AJAP1: variants seen among roughly 807,000 people sequenced by gnomAD.
The protein encoded by AJAP1 is adherens junction-associated protein 1.
AJAP1 carries 5 observed loss-of-function variants against 35.0 expected under a neutral mutation model. The ratio of observed to expected loss-of-function variants is 0.14; its 90% CI spans 0.07 to 0.30. The LOEUF (loss-of-function observed/expected upper bound fraction) is 0.30, where lower values mean the gene tolerates loss of function less well. Among genes scored for constraint, AJAP1 ranks in the 10% least tolerant of loss-of-function variants. The pLI, the probability that AJAP1 is intolerant of heterozygous loss-of-function variation, is 1.00. For synonymous variants in AJAP1, 284 were observed against 249.3 expected, an observed-to-expected ratio of 1.14 and a Z score of -1.31; for missense variants, 586 against 571.0, an observed-to-expected ratio of 1.03 and a Z score of -0.27.
intron 2 of AJAP1, among the ~76,000 whole-genome samples, chr1:4,768,835 C>A (rs1641755293): frequency 6.6e-6 from 1 of 152,162 alleles, no homozygotes; most frequent in African/African-American, 2.4e-5. Flanking sequence ...GCATCCAGGT[C>A]CCAGGAAGGA....
At chr1:4,773,627 C>T (rs1570227036) in intron 4 of AJAP1, among the ~76,000 whole-genome samples, 1 of 152,222 alleles carries the variant, frequency 6.6e-6, no homozygotes, top group African/African-American at 2.4e-5. Context: ...TACACTCAGA[C>T]ATTTGGGGAG....
At chr1:4,683,613 G>C (rs1358570879) in intron 1 of AJAP1, among the ~76,000 whole-genome samples, 1 of 152,164 alleles carries the variant, frequency 6.6e-6, no homozygotes, top group Non-Finnish European at 1.5e-5. Flanking sequence ...AAAATGTTTC[G>C]TCCTGCACTG....
At position 4,712,223 on chromosome 1, in the gene AJAP1, C is replaced by A. The variant is rs1405230020; in HGVS notation, c.353C>A (p.Ala118Asp). The A allele has an allele frequency of 2.1e-5, 33 of 1,544,300 alleles. No individual in the cohort carries two copies. The highest frequency in any genetic ancestry group is 2.9e-5 in the Non-Finnish European group (33 of 1,153,914). ...GCCCTCGTGCCCAAGGCAGGACTGG[C>A]CAAGCCCCCAGCTGCTGCCAAATCC... ...AAALVPKAGL[A>D]KPPAAAKSSP... Residue 118 changes from alanine to aspartate, a missense_variant, in exon 2 of 6, where the codon GCC becomes GAC. Physicochemically the swap from Ala to Asp is moderately radical, Grantham distance 126. Transcript: ENST00000378191.
chr1:4,674,063 AAAAG>A (rs1368523779), intron 1 of AJAP1, among the ~76,000 whole-genome samples: 8 of 151,516 alleles, frequency 5.3e-5, no homozygotes, highest in Admixed American at 1.3e-4. Context: ...AAAAAAAAAA[AAAAG>A]GAACAAAAAG....
rs557386488 is a variant in AJAP1 at position 4,751,382 on chromosome 1, G to A, written c.830-18471G>A. On this transcript the variant is annotated intron_variant, in intron 2 of 5. Coordinates refer to ENST00000378191, the MANE Select transcript of AJAP1 (RefSeq NM_018836.4). Reference sequence around the variant, plus strand: ...AGCTGATGCTTCCTGACTCAGCAGGGCATAGGAGCTAGCAGAGAGGTCCCA... The same window carrying A: ...AGCTGATGCTTCCTGACTCAGCAGGACATAGGAGCTAGCAGAGAGGTCCCA... Among the ~76,000 whole-genome samples, 8 of 152,358 alleles carry A rather than the reference G, an allele frequency of 5.3e-5. No individual in the cohort carries two copies. In the East Asian group the frequency reaches 1.4e-3, roughly 26 times the overall value.
At chr1:4,773,014 T>C (rs184017673) in intron 4 of AJAP1, among the ~76,000 whole-genome samples, 7 of 152,146 alleles carry the variant, frequency 4.6e-5, no homozygotes, top group Non-Finnish European at 1.0e-4. Flanking sequence ...GCTCCTCCTT[T>C]TTTATTACTC....
At chr1:4,747,991 CAA>C (rs70955801) in intron 2 of AJAP1, among the ~76,000 whole-genome samples, 1 of 135,980 alleles carries the variant, frequency 7.4e-6, no homozygotes, top group Non-Finnish European at 1.6e-5. Context: ...GACTCTGTCT[CAA>C]AAAAAAAAAA....
rs1640865385 is a variant in AJAP1 at position 4,734,156 on chromosome 1, C to T, written c.829+21457C>T. Among the ~76,000 whole-genome samples the T allele has an allele frequency of 6.6e-6, 1 of 152,180 alleles. No individual in the cohort carries two copies. The highest frequency in any genetic ancestry group is 2.4e-5 in the African/African-American group (1 of 41,432). On this transcript the variant is annotated intron_variant, in intron 2 of 5. Transcript: ENST00000378191. This position sits in a 1 kb window ranked among gnomAD's most constrained non-coding sequence, Gnocchi z 4.3. Reference sequence around the variant, plus strand: ...ATACAGACCTGCCAGGGCCCTGAACCCATGCACTTGTTCTGTGTGGAGGAA... The same window carrying T: ...ATACAGACCTGCCAGGGCCCTGAACTCATGCACTTGTTCTGTGTGGAGGAA...
intron 1 of AJAP1, among the ~76,000 whole-genome samples, chr1:4,702,285 G>A (rs1254561010): frequency 1.3e-5 from 2 of 152,182 alleles, no homozygotes; most frequent in Non-Finnish European, 2.9e-5. Context: ...TAGACTCTGA[G>A]TCCTGATCAG....
intron 2 of AJAP1, among the ~76,000 whole-genome samples, chr1:4,732,975 A>G (rs1042664025): frequency 2.6e-5 from 4 of 152,322 alleles, no homozygotes; most frequent in Admixed American, 6.5e-5. Flanking sequence ...ATTCCCCACA[A>G]ATGAATGAAA....
chr1:4,669,399 C>T (rs542953347), intron 1 of AJAP1, among the ~76,000 whole-genome samples: 3 of 152,266 alleles, frequency 2.0e-5, no homozygotes, highest in Admixed American at 1.3e-4. Context: ...CTGGGGAGGC[C>T]TCAGCAAACT....
In AJAP1 at chr1:4,692,064, T is replaced by G. The variant is rs1639751845; in HGVS notation, c.30-19836T>G. ...TGAGACTGGCCGAGGCCCTCAGCCC[T>G]GTGCTCCTTCCGGGAATGGCAGGTG... On this transcript the variant is annotated intron_variant, in intron 1 of 5. Transcript: ENST00000378191. This position sits in a 1 kb window ranked among gnomAD's most constrained non-coding sequence, Gnocchi z 4.4. 6.6e-6 allele frequency among the ~76,000 whole-genome samples: 1 copy of G among 152,144 alleles called. No homozygotes were observed. The highest frequency in any genetic ancestry group is 1.5e-5 in the Non-Finnish European group (1 of 68,012).
At chr1:4,700,974 C>T (rs1639974160) in intron 1 of AJAP1, among the ~76,000 whole-genome samples, 1 of 152,224 alleles carries the variant, frequency 6.6e-6, no homozygotes, top group Non-Finnish European at 1.5e-5. Flanking sequence ...TTTCCCCTCC[C>T]AGGGACTGAG....
chr1:4,770,766 A>G (rs1641816509), intron 3 of AJAP1, among the ~76,000 whole-genome samples: 1 of 152,182 alleles, frequency 6.6e-6, no homozygotes, highest in African/African-American at 2.4e-5. Flanking sequence ...AGAGAGAGAA[A>G]AAGCCAGGCT....
chr1:4,756,097 G>A (rs943814926), intron 2 of AJAP1, among the ~76,000 whole-genome samples: 6 of 152,198 alleles, frequency 3.9e-5, no homozygotes, highest in Admixed American at 2.6e-4. Context: ...AGGTGCAGGA[G>A]CCTGATGAGA....
intron 1 of AJAP1, among the ~76,000 whole-genome samples, chr1:4,666,899 T>C (rs1639139875): frequency 7.1e-6 from 1 of 141,120 alleles, no homozygotes; most frequent in African/African-American, 2.7e-5. Context: ...ACGGGAGGGT[T>C]ATGGAGAGGG....
In AJAP1 at chr1:4,782,682, C is replaced by T. The variant is rs1037333640; in HGVS notation, c.*197C>T. On this transcript the variant is annotated 3_prime_UTR_variant, in exon 6 of 6. Transcript: ENST00000378191. The surrounding 1 kb of genome is among the most constrained non-coding windows in gnomAD (Gnocchi z 5.3). Reference sequence around the variant, plus strand: ...CCGGTGGGAAACTCACAGAGCAGGACGCTCTAGGCCAAATCTATTTTTGTA... The same window carrying T: ...CCGGTGGGAAACTCACAGAGCAGGATGCTCTAGGCCAAATCTATTTTTGTA... 11 of 398,400 alleles carry T rather than the reference C, an allele frequency of 2.8e-5. No individual in the cohort carries two copies. Among genetic ancestry groups the T allele is most frequent in the African/African-American group, 8.2e-5 (4 of 48,618 alleles). The allele number at this position is 398,400 out of a possible 1,614,324, so 24.7% of individuals were successfully genotyped here. A position where few individuals can be genotyped will look rare whatever the true frequency, so the allele number is the denominator to read the frequency against.
chr1:4,663,192 T>C (rs543721389), intron 1 of AJAP1, among the ~76,000 whole-genome samples: 1 of 152,300 alleles, frequency 6.6e-6, no homozygotes, highest in African/African-American at 2.4e-5. Flanking sequence ...TTGCCCAGGC[T>C]GGTCTCAAAT....
intron 5 of AJAP1, among the ~76,000 whole-genome samples, chr1:4,776,676 T>C (rs1252170567): frequency 6.6e-6 from 1 of 152,126 alleles, no homozygotes; most frequent in Non-Finnish European, 1.5e-5. Flanking sequence ...CCCCCAGAAA[T>C]ACTGTTGGTG....
Sources: allele counts gnomAD v4.1 joint callset (sites outside exome capture counted in the v4.1 genomes callset), GRCh38; gene constraint gnomAD v4.1.1; non-coding constraint Gnocchi (gnomAD v3.1); transcripts MANE v1.5; gene names NCBI Gene and HGNC (gene_info 2026-07-23, HGNC 2026-07-21).